Variants in WWOX observed in about 807,000 individuals in gnomAD.
The protein encoded by WWOX is WW domain-containing oxidoreductase.
In WWOX, 69 loss-of-function variants were observed where a neutral mutation model predicts 46.2. That is an observed-to-expected ratio of 1.49 (90% confidence interval 1.23 to 1.82). WWOX has a LOEUF of 1.82. Among genes scored for constraint, WWOX ranks in the 40% most tolerant of loss-of-function variants. WWOX has a pLI of 0.00. For synonymous variants in WWOX, 359 were observed against 202.6 expected (o/e 1.77, Z -6.56); for missense variants, 919 against 542.6 (o/e 1.69, Z -6.89).
chr16:79,042,218 A>T (rs78746509), intron 8 of WWOX, among the ~76,000 whole-genome samples: 3,487 of 151,820 alleles, frequency 0.023, 142 homozygotes, highest in African/African-American at 0.08. Context: ...TCTGTCCATG[A>T]ACTCCAAAGC....
chr16:78,868,566 C>A (rs1465674042), intron 8 of WWOX, among the ~76,000 whole-genome samples: 1 of 152,100 alleles, frequency 6.6e-6, no homozygotes, highest in South Asian at 2.1e-4. Flanking sequence ...ATTCCAGGAC[C>A]ATTAAATCAG....
intron 8 of WWOX, among the ~76,000 whole-genome samples, chr16:78,737,471 G>C (rs1457788000): frequency 1.3e-5 from 2 of 151,948 alleles, no homozygotes; most frequent in Non-Finnish European, 2.9e-5. Context: ...GGGGGAACAG[G>C]TGGTGTTTGG....
intron 8 of WWOX, among the ~76,000 whole-genome samples, chr16:78,540,871 A>T (rs2043875631): frequency 6.6e-6 from 1 of 151,958 alleles, no homozygotes; most frequent in Admixed American, 6.6e-5. Flanking sequence ...TTTTTCTTAG[A>T]GGTAGAGCCT....
chr16:78,556,274 A>G (rs1474196096), intron 8 of WWOX, among the ~76,000 whole-genome samples: 2 of 152,044 alleles, frequency 1.3e-5, no homozygotes, highest in African/African-American at 2.4e-5. Flanking sequence ...AAAAAAAAAA[A>G]AAGAAAAAAT....
chr16:78,366,969 ATTTTTTTTTTTTTT>A (rs544239767), intron 5 of WWOX, among the ~76,000 whole-genome samples: 1 of 74,260 alleles, frequency 1.3e-5, no homozygotes, highest in Non-Finnish European at 2.3e-5. Context: ...CAAAAGTTAC[ATTTTTTTTTTTTTT>A]TTTTTTTTTT....
At chr16:78,114,805 T>TGATCCTTCTG (rs1017863560) in intron 3 of WWOX, among the ~76,000 whole-genome samples, 171 bp from the exon 4 acceptor site, 6 of 152,182 alleles carry the variant, frequency 3.9e-5, no homozygotes, top group African/African-American at 1.4e-4. Flanking sequence ...GGCACAAATG[T>TGATCCTTCTG]GATCCTTCTG....
At chr16:78,422,720 C>CACACAT (rs1299973391) in intron 6 of WWOX, among the ~76,000 whole-genome samples, 1 of 95,884 alleles carries the variant, frequency 1.0e-5, no homozygotes, top group African/African-American at 4.8e-5. Context: ...TACACACACA[C>CACACAT]ATATATATAT....
intron 8 of WWOX, among the ~76,000 whole-genome samples, chr16:79,155,008 G>C (rs1038363275): frequency 2.0e-5 from 3 of 152,212 alleles, no homozygotes; most frequent in Admixed American, 1.3e-4. Flanking sequence ...TCAAAAGATA[G>C]CTTCATCTGT....
intron 8 of WWOX, among the ~76,000 whole-genome samples, chr16:78,567,227 G>A (rs1293732129): frequency 6.6e-6 from 1 of 152,144 alleles, no homozygotes; most frequent in Non-Finnish European, 1.5e-5. Flanking sequence ...CTGCCTGCCA[G>A]GGTCTTTGCT....
At chr16:79,011,570 C>A (rs749472130) in intron 8 of WWOX, among the ~76,000 whole-genome samples, 4 of 151,714 alleles carry the variant, frequency 2.6e-5, no homozygotes, top group Admixed American at 6.6e-5. Context: ...TGGCTCACCA[C>A]AGCCTCAGCC....
intron 8 of WWOX, among the ~76,000 whole-genome samples, chr16:78,785,341 G>C (rs1322546544): frequency 6.6e-6 from 1 of 152,102 alleles, no homozygotes; most frequent in Non-Finnish European, 1.5e-5. Flanking sequence ...AATGTTTCTT[G>C]GGCAGCAGCA....
intron 4 of WWOX, among the ~76,000 whole-genome samples, chr16:78,157,768 A>C (rs2034655602): frequency 6.6e-6 from 1 of 152,240 alleles, no homozygotes; most frequent in Non-Finnish European, 1.5e-5. Context: ...GGTTGGTATT[A>C]AAGTCATTCA....
chr16:78,820,928 C>G lies in WWOX; in HGVS notation c.1056+388176C>G, dbSNP rs536182267. Among the ~76,000 whole-genome samples the G allele has an allele frequency of 4.6e-5, 7 of 152,322 alleles. No homozygotes were observed. In the East Asian group the frequency reaches 9.7e-4, roughly 21 times the overall value. ...TCTACTTCCTCCCTTACATCACCTT[C>G]TCCTCTGGCTTTGTGTCCTTTCTGT... is the stretch of plus-strand genomic sequence containing the variant. On this transcript the variant is annotated intron_variant, in intron 8 of 8. Transcript: ENST00000566780.
chr16:78,866,788 G>A (rs2044013739), intron 8 of WWOX, among the ~76,000 whole-genome samples: 1 of 152,234 alleles, frequency 6.6e-6, no homozygotes, highest in Admixed American at 6.5e-5. Flanking sequence ...AGTCTGTAAT[G>A]TATCTTGAGC....
intron 8 of WWOX, among the ~76,000 whole-genome samples, chr16:78,578,980 A>G (rs1158841281): frequency 6.6e-6 from 1 of 152,164 alleles, no homozygotes. Context: ...CACCACCACA[A>G]AAGAGGCAGT....
intron 5 of WWOX, among the ~76,000 whole-genome samples, chr16:78,247,218 C>T (rs1167889299): frequency 1.3e-5 from 2 of 151,998 alleles, no homozygotes; most frequent in African/African-American, 4.8e-5. Context: ...TGGCCGCCCC[C>T]CTGCCAGCAG....
chr16:78,549,196 G>C (rs1386083188), intron 8 of WWOX, among the ~76,000 whole-genome samples: 1 of 152,164 alleles, frequency 6.6e-6, no homozygotes, highest in Non-Finnish European at 1.5e-5. Flanking sequence ...TAGAACCTCT[G>C]TAGAATCAAA....
At chr16:78,356,178 C>G (rs891458637) in intron 5 of WWOX, among the ~76,000 whole-genome samples, 1 of 149,554 alleles carries the variant, frequency 6.7e-6, no homozygotes, top group African/African-American at 2.5e-5. Context: ...CAGAGCGAGA[C>G]TCTGTCTCAA....
intron 8 of WWOX, among the ~76,000 whole-genome samples, chr16:78,575,060 T>TATATATATATAA (rs2044837765): frequency 5.4e-5 from 1 of 18,438 alleles, no homozygotes; most frequent in Non-Finnish European, 1.0e-4. Context: ...TATATATATA[T>TATATATATATAA]ATATATATAT....
Sources: allele counts gnomAD v4.1 joint callset (sites outside exome capture counted in the v4.1 genomes callset), GRCh38; gene constraint gnomAD v4.1.1; transcripts MANE v1.5; gene names NCBI Gene and HGNC (gene_info 2026-07-23, HGNC 2026-07-21).